The following DNAH1 variants were observed in gnomAD, a reference collection of about 807,000 sequenced individuals.
DNAH1 encodes the protein dynein axonemal heavy chain 1, also known as axonemal beta dynein heavy chain 1.
In DNAH1, 327 loss-of-function variants were observed where a neutral mutation model predicts 484.3. The observed-to-expected ratio is 0.68, with a 90% CI of 0.62 to 0.74. The LOEUF is 0.74. Ranked by LOEUF, DNAH1 falls within the 30% of genes least tolerant of loss-of-function variation. DNAH1 has a pLI of 0.00. For missense variants in DNAH1, 5,052 were observed against 5,546.8 expected (o/e 0.91, Z 2.83); for synonymous variants, 2,192 against 2,191.9 (o/e 1.00, Z 0.00).
In DNAH1 at chr3:52,398,887, CA is replaced by C. The variant is rs777456572; in HGVS notation, c.12129del (p.Asp4044ThrfsTer10). On this transcript the variant is annotated frameshift_variant, in exon 76 of 78. Coordinates refer to ENST00000420323, the MANE Select transcript of DNAH1 (RefSeq NM_015512.5). LOFTEE classifies it high-confidence loss of function. ...RLLQVITQTL[Q>X]DLLKALKGLV... ...GCTGCAGGTGATCACACAGACACTG[CA>C]AGACCTACTCAAGGCACTCAAGGGG... 10 of 1,589,344 alleles carry C rather than the reference CA, an allele frequency of 6.3e-6. No homozygotes were observed. In the South Asian group the frequency reaches 1.1e-4, roughly 18 times the overall value.
rs1441192327 is a variant in DNAH1 at position 52,352,612 on chromosome 3, G to A, written c.2932G>A (p.Glu978Lys). 3 of 1,612,552 alleles carry A rather than the reference G, an allele frequency of 1.9e-6. No individual in the cohort carries two copies. The highest frequency in any genetic ancestry group is 1.3e-5 in the African/African-American group (1 of 74,522). Residue 978 changes from glutamate (E) to lysine (K), a missense_variant, in exon 18 of 78, where the codon GAG becomes AAG. By Grantham distance (56) the Glu-to-Lys change is moderately conservative (BLOSUM62 1). Transcript: ENST00000420323. ...TTCACGTGCACACGAGATCGCCAAC[G>A]AGGTGCGGCGTGTCAAGAAGCAGCT... ...EISRAHEIAN[E>K]VRRVKKQLKD...
At position 52,364,106 on chromosome 3, in the gene DNAH1, G is replaced by A. The variant is rs1021317485; in HGVS notation, c.5245-532G>A. ...GAACATATGCTAGTCTATGGGTTGG[G>A]TCTAGATGGAGTCCTCTTGGTTGGG... On this transcript the variant is annotated intron_variant, in intron 32 of 77. Transcript: ENST00000420323. This position sits in a 1 kb window ranked among gnomAD's most constrained non-coding sequence, Gnocchi z 4.2. 6.6e-6 allele frequency among the ~76,000 whole-genome samples: 1 copy of A among 152,220 alleles called. No individual in the cohort carries two copies. Among genetic ancestry groups the A allele is most frequent in the African/African-American group, 2.4e-5 (1 of 41,458 alleles).
chr3:52,352,956 G>T (rs1702455741), intron 18 of DNAH1, 147 bp from the exon 19 acceptor site: 6 of 978,934 alleles, frequency 6.1e-6, no homozygotes, highest in Middle Eastern at 3.2e-4. Context: ...GAAGAAGGGA[G>T]GCCAGGCCCA....
At position 52,375,344 on chromosome 3, in the gene DNAH1, C is replaced by G. The variant is rs185905489; in HGVS notation, c.7090C>G (p.Leu2364Val). 6.8e-6 allele frequency: 11 copies of G among 1,613,702 alleles called. No individual in the cohort carries two copies. The East Asian group carries it at 2.0e-4, about 29-fold the overall frequency. ...TPRLMRHFNYLSFAEMDEVSK... is the reference protein window; with the variant it reads ...TPRLMRHFNYVSFAEMDEVSK... ...GCGGCTGATGCGTCACTTCAACTAC[C>G]TGTCTTTCGCTGAGATGGACGAGGT... Residue 2364 changes from leucine to valine, a missense_variant, in exon 45 of 78, where the codon CTG (leucine) becomes GTG (valine). By Grantham distance (32) the Leu-to-Val change is conservative (BLOSUM62 1). Transcript: ENST00000420323.
At chr3:52,348,115 A>C in intron 12 of DNAH1, 141 bp downstream of exon 12, 2 of 836,478 alleles carry the variant, frequency 2.4e-6, no homozygotes, top group Non-Finnish European at 3.6e-6. Flanking sequence ...TGTAAATCTC[A>C]AATATCCCAT....
At chr3:52,335,560 C>T (rs560029100) in intron 8 of DNAH1, among the ~76,000 whole-genome samples, 2 of 152,172 alleles carry the variant, frequency 1.3e-5, no homozygotes, top group African/African-American at 2.4e-5. Context: ...CCACCTGCCT[C>T]GGCCTCCCAA....
Position 52,366,549 on chromosome 3 carries a change from G to A in DNAH1, c.5610+1G>A, listed in dbSNP as rs750342367. On this transcript the variant is annotated splice_donor_variant, in intron 35 of 77. Transcript: ENST00000420323. LOFTEE classifies it high-confidence loss of function. Reference sequence around the variant, plus strand: ...GCCCACAGGCTCCGGCAAGAGTACTGTAAGCAGAGCCAAGCTTGGCAGCCA... The same window carrying A: ...GCCCACAGGCTCCGGCAAGAGTACTATAAGCAGAGCCAAGCTTGGCAGCCA... The A allele has an allele frequency of 2.5e-6, 4 of 1,589,704 alleles. No homozygotes were observed. Among genetic ancestry groups the A allele is most frequent in the South Asian group, 1.1e-5 (1 of 87,324 alleles).
chr3:52,366,692 T>C (rs1703090210), intron 35 of DNAH1, 41 bp from the exon 36 acceptor site: 3 of 1,504,598 alleles, frequency 2.0e-6, no homozygotes, highest in South Asian at 2.3e-5. Context: ...ACTCTAGCCC[T>C]GCTCTCTGGG....
chr3:52,388,744 G>T, intron 58 of DNAH1, 62 bp from the exon 59 acceptor site: 1 of 1,606,836 alleles, frequency 6.2e-7, no homozygotes, highest in Non-Finnish European at 8.5e-7. Context: ...ACAGTGGGTA[G>T]GGCCAGCCCC....
intron 7 of DNAH1, among the ~76,000 whole-genome samples, 162 bp from the exon 8 acceptor site, chr3:52,331,980 G>A (rs1362602717): frequency 1.3e-5 from 2 of 152,172 alleles, no homozygotes; most frequent in African/African-American, 4.8e-5. Context: ...GGCCGGGCAG[G>A]AAGTGTCGTC....
At position 52,398,594 on chromosome 3, in the gene DNAH1, G is replaced by A. The variant is rs56322342; in HGVS notation, c.12090-256G>A. On this transcript the variant is annotated intron_variant, in intron 75 of 77. Coordinates refer to ENST00000420323, the MANE Select transcript of DNAH1 (RefSeq NM_015512.5). Reference sequence around the variant, plus strand: ...TGAGCCACCGCACCTGGCCAACTCAGCCATATTTTTATTATTCACATTTTG... The same window carrying A: ...TGAGCCACCGCACCTGGCCAACTCAACCATATTTTTATTATTCACATTTTG... Among the ~76,000 whole-genome samples, 21,123 of 152,158 alleles carry A rather than the reference G, an allele frequency of 0.14. 1,810 individuals carry two copies. Among genetic ancestry groups the A allele is most frequent in the African/African-American group, 0.23 (9,546 of 41,466 alleles).
intron 43 of DNAH1, 47 bp from the exon 44 acceptor site, chr3:52,372,849 G>A (rs758829145): frequency 1.9e-6 from 3 of 1,573,950 alleles, no homozygotes; most frequent in South Asian, 2.3e-5. Context: ...GATTCTCAGA[G>A]GACCTGGTGC....
chr3:52,353,769 T>G lies in DNAH1; in HGVS notation c.3480+136T>G. On this transcript the variant is annotated intron_variant, in intron 20 of 77. Transcript: ENST00000420323. The surrounding 1 kb of genome is among the most constrained non-coding windows in gnomAD (Gnocchi z 5.0). ...CCCTGGGGTCATGAGGCCCAGGGGT[T>G]GAGATGCATTCTATTAAGTGAGTTA... 1 of 1,141,218 alleles carries G rather than the reference T, an allele frequency of 8.8e-7. No individual in the cohort carries two copies. 70.7% of individuals were successfully genotyped at this position (1,141,218 alleles called of 1,614,324 possible). A position where few individuals can be genotyped will look rare whatever the true frequency, so the allele number is the denominator to read the frequency against.
rs1295578900 is a variant in DNAH1, at chr3:52,372,308, A to G, written c.6748A>G (p.Ile2250Val). The change falls in exon 43 of 78, where the codon ATC (isoleucine) becomes GTC (valine). Residue 2250 changes from isoleucine to valine, a missense_variant. Transcript: ENST00000420323. ...CCTCAAGAACCTGGCACTGGATTAC[A>G]TCAGCCACTTCCTCACCTTCTCAGC... ...KLLKNLALDY[I>V]SHFLTFSART... 3 of 1,613,986 alleles carry G rather than the reference A, an allele frequency of 1.9e-6. No homozygotes were observed. Among genetic ancestry groups the G allele is most frequent in the Non-Finnish European group, 2.5e-6 (3 of 1,179,870 alleles).
In DNAH1 at chr3:52,395,862, A is replaced by T. The variant is rs1322664520; in HGVS notation, c.11259+184A>T. 6.6e-6 allele frequency among the ~76,000 whole-genome samples: 1 copy of T among 151,322 alleles called. No homozygotes were observed. ...ATCCTCTCAATCCACCCCCACCCCCAGTTACCTGTACAAGCGGTGATGTGA... is the reference window on the plus strand; with the variant it reads ...ATCCTCTCAATCCACCCCCACCCCCTGTTACCTGTACAAGCGGTGATGTGA... On this transcript the variant is annotated intron_variant, in intron 70 of 77. Coordinates refer to ENST00000420323, the MANE Select transcript of DNAH1 (RefSeq NM_015512.5). This position sits in a 1 kb window ranked among gnomAD's most constrained non-coding sequence, Gnocchi z 4.4.
intron 8 of DNAH1, among the ~76,000 whole-genome samples, chr3:52,341,335 T>G (rs1442783418): frequency 6.6e-6 from 1 of 152,122 alleles, no homozygotes; most frequent in Non-Finnish European, 1.5e-5. Flanking sequence ...GGGACTCTTG[T>G]GCAAGCGATT....
rs1478272222 is a variant in DNAH1 at position 52,368,751 on chromosome 3, A to T, written c.5776A>T (p.Ile1926Leu). Residue 1926 changes from isoleucine to leucine, a missense_variant, in exon 37 of 78, where the codon ATA becomes TTA. Physicochemically the swap from Ile to Leu is conservative, Grantham distance 5 (BLOSUM62 2). Transcript: ENST00000420323. This position sits in a 1 kb window ranked among gnomAD's most constrained non-coding sequence, Gnocchi z 4.4. ...TCCCTGGCGCTGCAGGACAGACGGG[A>T]TATTCTCCTCGTTCATCCGGGCGGG... is the stretch of plus-strand genomic sequence containing the variant. ...DLLTHEWTDG[I>L]FSSFIRAGAI... 25 of 1,613,420 alleles carry T rather than the reference A, an allele frequency of 1.5e-5. No individual in the cohort carries two copies. Among genetic ancestry groups the T allele is most frequent in the Non-Finnish European group, 2.1e-5 (25 of 1,179,842 alleles).
At chr3:52,336,169 T>TC (rs1701738051) in intron 8 of DNAH1, among the ~76,000 whole-genome samples, 1 of 152,224 alleles carries the variant, frequency 6.6e-6, no homozygotes, top group Non-Finnish European at 1.5e-5. Flanking sequence ...GAGGACTTAG[T>TC]CATAAATTCT....
In DNAH1 at chr3:52,393,337, A is replaced by G. The variant is rs774147292; in HGVS notation, c.10478A>G (p.Asn3493Ser). 1.9e-6 allele frequency: 3 copies of G among 1,613,690 alleles called. No individual in the cohort carries two copies. Among genetic ancestry groups the G allele is most frequent in the African/African-American group, 1.3e-5 (1 of 74,964 alleles). Residue 3493 changes from asparagine to serine, a missense_variant, in exon 66 of 78, where the codon AAC (asparagine) becomes AGC (serine). By Grantham distance (46) the Asn-to-Ser change is conservative. Around this residue, in one of 4 missense-constraint regions of DNAH1, gnomAD observed 2,929 missense variants for 3,409.4 expected, o/e 0.86. Coordinates refer to ENST00000420323, the MANE Select transcript of DNAH1 (RefSeq NM_015512.5). ...SGIANSERAD[N>S]LKKRISNINR... is the part of the protein sequence containing the mutation. ...CCATCACTTCTCCACTCCACAGACA[A>G]CCTGAAGAAGCGCATCTCCAACATC...
Sources: gnomAD v4.1 joint callset for allele counts (sites outside exome capture counted in the v4.1 genomes callset) on GRCh38, gnomAD v4.1.1 for gene constraint, gnomAD v4.1.1 regional missense constraint, Gnocchi (gnomAD v3.1) non-coding constraint, MANE v1.5 for transcripts, NCBI Gene and HGNC (gene_info 2026-07-23, HGNC 2026-07-21) for gene names.